The following SH3RF1 variants were observed in gnomAD, a reference collection of about 807,000 sequenced individuals.
The protein encoded by SH3RF1 is E3 ubiquitin-protein ligase SH3RF1.
Under a neutral mutation model 74.0 loss-of-function variants are expected in SH3RF1, and 32 were observed. The observed-to-expected ratio is 0.43, with a 90% confidence interval of 0.33 to 0.58. The LOEUF is 0.58. Ranked by LOEUF, SH3RF1 falls within the 20% of genes least tolerant of loss-of-function variation. The probability of loss-of-function intolerance (pLI) is 0.05; values close to 1 mark genes in which losing one functional copy is unlikely to be tolerated. For missense variants in SH3RF1, 954 were observed against 1,130.9 expected (o/e 0.84, Z 2.24); for synonymous variants, 396 against 439.6 (o/e 0.90, Z 1.24).
intron 2 of SH3RF1, among the ~76,000 whole-genome samples, chr4:169,170,427 G>A (rs561253191): frequency 3.9e-5 from 6 of 152,258 alleles, no homozygotes; most frequent in South Asian, 2.1e-4. Flanking sequence ...AATTTAAGAT[G>A]AGAAAATTAA....
intron 11 of SH3RF1, among the ~76,000 whole-genome samples, chr4:169,102,117 A>C (rs1199539994): frequency 6.6e-6 from 1 of 152,182 alleles, no homozygotes; most frequent in African/African-American, 2.4e-5. Flanking sequence ...CATCACTCTG[A>C]CCTGGGTGAG....
intron 11 of SH3RF1, among the ~76,000 whole-genome samples, chr4:169,097,744 C>G (rs748306217): frequency 6.6e-5 from 10 of 152,098 alleles, no homozygotes; most frequent in Non-Finnish European, 1.2e-4. Context: ...GTAGTCTCCT[C>G]CTATGATGCA....
At chr4:169,259,474 T>G (rs1437162815) in intron 2 of SH3RF1, among the ~76,000 whole-genome samples, 2 of 152,152 alleles carry the variant, frequency 1.3e-5, no homozygotes, top group African/African-American at 4.8e-5. Flanking sequence ...TCACCATTCA[T>G]GAAGCAACTG....
chr4:169,126,123 T>C (rs1319422186), intron 6 of SH3RF1, among the ~76,000 whole-genome samples: 7 of 152,228 alleles, frequency 4.6e-5, no homozygotes, highest in Non-Finnish European at 2.9e-5. Flanking sequence ...ATAGAAGCTA[T>C]TGTTATGATT....
At chr4:169,129,838 T>C (rs1733583072) in intron 6 of SH3RF1, among the ~76,000 whole-genome samples, 2 of 152,254 alleles carry the variant, frequency 1.3e-5, no homozygotes, top group African/African-American at 4.8e-5. Context: ...TTCAGGCCAC[T>C]GATCCTCACT....
At chr4:169,227,412 A>C (rs1294078154) in intron 2 of SH3RF1, among the ~76,000 whole-genome samples, 3 of 152,228 alleles carry the variant, frequency 2.0e-5, no homozygotes, top group Admixed American at 2.0e-4. Flanking sequence ...TCTTTCACTG[A>C]TAGGTACATG....
intron 2 of SH3RF1, among the ~76,000 whole-genome samples, chr4:169,242,145 G>A (rs945279410): frequency 2.6e-5 from 4 of 151,782 alleles, no homozygotes; most frequent in African/African-American, 9.7e-5. Context: ...TTGTAGAGGA[G>A]TGAAAATTAT....
intron 2 of SH3RF1, among the ~76,000 whole-genome samples, chr4:169,184,027 G>A (rs368347109): frequency 5.9e-5 from 9 of 152,268 alleles, no homozygotes; most frequent in Admixed American, 3.3e-4. Flanking sequence ...TCTGTTACCT[G>A]GGATGTAGCA....
At chr4:169,207,316 A>G (rs1454314651) in intron 2 of SH3RF1, among the ~76,000 whole-genome samples, 2 of 152,164 alleles carry the variant, frequency 1.3e-5, no homozygotes, top group African/African-American at 4.8e-5. Context: ...ACTCCTAGTT[A>G]CTTGGGAAGC....
intron 2 of SH3RF1, among the ~76,000 whole-genome samples, chr4:169,168,556 G>T (rs1018784262): frequency 2.0e-5 from 3 of 152,216 alleles, no homozygotes; most frequent in Admixed American, 2.0e-4. Flanking sequence ...CTTACACAAA[G>T]AGAGTAAGTC....
At chr4:169,169,408 C>A (rs932667836) in intron 2 of SH3RF1, among the ~76,000 whole-genome samples, 5 of 151,904 alleles carry the variant, frequency 3.3e-5, no homozygotes, top group Admixed American at 1.3e-4. Context: ...ACCAGCCTGG[C>A]CAACATGGCA....
chr4:169,247,808 C>A (rs926223199), intron 2 of SH3RF1, among the ~76,000 whole-genome samples: 1 of 151,976 alleles, frequency 6.6e-6, no homozygotes, highest in Admixed American at 6.6e-5. Flanking sequence ...AAGAAAAAAA[C>A]GACCCCATCA....
At chr4:169,183,521 T>C (rs970998727) in intron 2 of SH3RF1, among the ~76,000 whole-genome samples, 1 of 152,118 alleles carries the variant, frequency 6.6e-6, no homozygotes, top group Admixed American at 6.5e-5. Context: ...CCTCAGGTGA[T>C]CCACCTGCCT....
intron 2 of SH3RF1, among the ~76,000 whole-genome samples, chr4:169,218,191 A>C (rs1265930682): frequency 1.4e-5 from 2 of 145,332 alleles, no homozygotes; most frequent in East Asian, 3.9e-4. Context: ...TGTGTAATAT[A>C]TGTAAATATA....
chr4:169,120,982 C>G lies in SH3RF1; in HGVS notation c.1354G>C (p.Ala452Pro). The change falls in exon 8 of 12, where the codon GCT becomes CCT. Residue 452 changes from alanine to proline, a missense_variant. This residue lies in a region of SH3RF1 where 854 missense variants were observed against 962.5 expected (regional missense o/e 0.89). Transcript: ENST00000284637. ...TTCCGAGGAGTGTATGGATATATAG[C>G]AACATACCTAGAATAGAAAATAATA... is the stretch of plus-strand genomic sequence containing the variant. ...RPQTRPSVYVAIYPYTPRKED... is the reference protein window; with the variant it reads ...RPQTRPSVYVPIYPYTPRKED... The G allele has an allele frequency of 6.2e-7, 1 of 1,611,880 alleles. No homozygotes were observed. The highest frequency in any genetic ancestry group is 8.5e-7 in the Non-Finnish European group (1 of 1,178,010).
At chr4:169,098,747 C>T (rs1732970758) in intron 11 of SH3RF1, among the ~76,000 whole-genome samples, 1 of 152,200 alleles carries the variant, frequency 6.6e-6, no homozygotes, top group Non-Finnish European at 1.5e-5. Context: ...TAAGGATTGA[C>T]ACAGTCTTTA....
At chr4:169,238,303 C>T (rs1030175018) in intron 2 of SH3RF1, among the ~76,000 whole-genome samples, 2 of 152,168 alleles carry the variant, frequency 1.3e-5, no homozygotes, top group African/African-American at 4.8e-5. Flanking sequence ...AACTACCTAC[C>T]AGGTGTCATG....
chr4:169,125,209 A>C (rs747454085), intron 6 of SH3RF1, among the ~76,000 whole-genome samples: 1 of 152,150 alleles, frequency 6.6e-6, no homozygotes, highest in Non-Finnish European at 1.5e-5. Context: ...GTCAAAAAAA[A>C]ACATAGATTC....
chr4:169,270,774 G>GA (rs1221165739), intron 1 of SH3RF1, 85 bp downstream of exon 1: 1 of 152,112 alleles, frequency 6.6e-6, no homozygotes, highest in Non-Finnish European at 1.5e-5. Context: ...GGGGATGGGG[G>GA]AATGTCGAGA....
Sources: gnomAD v4.1 joint callset for allele counts (sites outside exome capture counted in the v4.1 genomes callset) on GRCh38, gnomAD v4.1.1 for gene constraint, gnomAD v4.1.1 regional missense constraint, MANE v1.5 for transcripts, NCBI Gene and HGNC (gene_info 2026-07-23, HGNC 2026-07-21) for gene names.